Variants in PRRC2C observed in about 807,000 individuals in gnomAD.
The protein encoded by PRRC2C is proline rich coiled-coil 2C, also known as protein PRRC2C.
PRRC2C carries 72 observed loss-of-function variants against 317.2 expected under a neutral mutation model. That is an observed-to-expected ratio of 0.23 (90% confidence interval 0.19 to 0.28). The LOEUF is 0.28. Among genes scored for constraint, PRRC2C ranks in the 10% least tolerant of loss-of-function variants. The pLI is 1.00. For synonymous variants in PRRC2C, 1,296 were observed against 1,205.9 expected (o/e 1.07, Z -1.55); for missense variants, 3,074 against 3,459.7 (o/e 0.89, Z 2.80).
At chr1:171,519,033 G>A (rs1353517943) in intron 6 of PRRC2C, among the ~76,000 whole-genome samples, 6 of 151,534 alleles carry the variant, frequency 4.0e-5, no homozygotes, top group African/African-American at 1.5e-4. Flanking sequence ...ATAGCTGCCC[G>A]CCACCATACC....
intron 10 of PRRC2C, among the ~76,000 whole-genome samples, chr1:171,526,485 G>A (rs1236911474): frequency 1.3e-5 from 2 of 152,006 alleles, no homozygotes; most frequent in Non-Finnish European, 2.9e-5. Flanking sequence ...CTACAGTGGT[G>A]CACCACCACA....
chr1:171,575,740 A>G (rs1410515145), intron 25 of PRRC2C, among the ~76,000 whole-genome samples: 2 of 152,226 alleles, frequency 1.3e-5, no homozygotes, highest in Non-Finnish European at 2.9e-5. Context: ...AGAAACACAG[A>G]TGTTTCCAAA....
At position 171,569,049 on chromosome 1, in the gene PRRC2C, A is replaced by G. The variant is rs1221749786; in HGVS notation, c.6651+710A>G. 2.6e-5 allele frequency among the ~76,000 whole-genome samples: 4 copies of G among 152,212 alleles called. No homozygotes were observed. In the East Asian group the frequency reaches 7.7e-4, roughly 29 times the overall value. On this transcript the variant is annotated intron_variant, in intron 23 of 34. Coordinates refer to ENST00000647382, the MANE Select transcript of PRRC2C (RefSeq NM_001387844.1). ...GAAAAATTGTTAGCCCAGAAACATT[A>G]GGTAGCTTGCCATAGTTATACAGTG... is the stretch of plus-strand genomic sequence containing the variant.
chr1:171,553,453 G>A (rs923608840), intron 18 of PRRC2C, among the ~76,000 whole-genome samples: 1 of 149,566 alleles, frequency 6.7e-6, no homozygotes, highest in East Asian at 2.0e-4. Context: ...GGGTTTCTTT[G>A]TGTCTCTATC....
In PRRC2C at chr1:171,577,609, G is replaced by A. The variant is rs776623881; in HGVS notation, c.7131G>A (p.Pro2377=). ...TTATTGCCCAGCAGCAACAGAATCC[G>A]CAAGTTTATGTGTCTCAGTCTGCAG... ...PSLIAQQQQN[P]QVYVSQSAAA... is the part of the protein sequence containing the mutation. The change falls in exon 26 of 35, where the codon CCG becomes CCA. Residue 2377 remains proline (P), a synonymous_variant. Coordinates refer to ENST00000647382, the MANE Select transcript of PRRC2C (RefSeq NM_001387844.1). 8.1e-6 allele frequency: 13 copies of A among 1,613,368 alleles called. No homozygotes were observed. The highest frequency in any genetic ancestry group is 4.5e-5 in the East Asian group (2 of 44,886).
intron 1 of PRRC2C, among the ~76,000 whole-genome samples, chr1:171,488,934 T>C (rs935126230): frequency 2.0e-5 from 3 of 152,184 alleles, no homozygotes; most frequent in African/African-American, 7.2e-5. Context: ...GAGGAGCACG[T>C]CTAGTATTAA....
intron 34 of PRRC2C, chr1:171,591,373 G>GT (rs35289979): frequency 0.58 from 155,768 of 267,852 alleles, 43,762 homozygotes; most frequent in African/African-American, 0.71. Context: ...TGGTCCTGTG[G>GT]TTTTTTTTTT....
At chr1:171,587,594 C>A in intron 31 of PRRC2C, 54 bp from the exon 32 acceptor site, 2 of 1,245,046 alleles carry the variant, frequency 1.6e-6, no homozygotes, top group Non-Finnish European at 2.3e-6. Context: ...GTAAACACAG[C>A]ACTTAGCTTG....
intron 28 of PRRC2C, among the ~76,000 whole-genome samples, chr1:171,582,628 G>C (rs1185125125): frequency 1.3e-5 from 2 of 152,228 alleles, no homozygotes; most frequent in East Asian, 3.9e-4. Flanking sequence ...TAACACAGTG[G>C]TAAATATTTG....
At position 171,586,063 on chromosome 1, in the gene PRRC2C, A is replaced by ATTTTTTTTTTTTTTTT. The variant is rs920423722; in HGVS notation, c.7750-934_7750-919dup. 8.4e-5 allele frequency among the ~76,000 whole-genome samples: 7 copies of ATTTTTTTTTTTTTTTT among 83,030 alleles called. 2 individuals carry two copies. Among genetic ancestry groups the ATTTTTTTTTTTTTTTT allele is most frequent in the African/African-American group, 2.4e-4 (5 of 21,204 alleles). The allele number at this position is 83,030 out of a possible 152,430, so 54.5% of individuals were successfully genotyped here. A position where few individuals can be genotyped will look rare whatever the true frequency, so the allele number is the denominator to read the frequency against. On this transcript the variant is annotated intron_variant, in intron 30 of 34. Coordinates refer to ENST00000647382, the MANE Select transcript of PRRC2C (RefSeq NM_001387844.1). ...ATCCGTCGCAGGAGGTCAGGTGTTG[A>ATTTTTTTTTTTTTTTT]TTTTTTTTTTTTTTTTTTTTTGAGA...
At chr1:171,563,722 A>G (rs543547675) in intron 20 of PRRC2C, among the ~76,000 whole-genome samples, 6 of 152,170 alleles carry the variant, frequency 3.9e-5, no homozygotes, top group Non-Finnish European at 7.4e-5. Flanking sequence ...TTGATGTTAC[A>G]GATTCTTCAG....
chr1:171,541,401 A>T lies in PRRC2C; in HGVS notation c.3935A>T (p.His1312Leu), dbSNP rs1399560082. The T allele has an allele frequency of 2.5e-6, 4 of 1,613,494 alleles. No individual in the cohort carries two copies. Among genetic ancestry groups the T allele is most frequent in the East Asian group, 2.2e-5 (1 of 44,882 alleles). ...KPHSSFKPDNHVRIDNRLLEK... is the reference protein window; with the variant it reads ...KPHSSFKPDNLVRIDNRLLEK... ...CATTCTTCTTTCAAGCCTGATAATCATGTTCGAATAGATAATAGACTGCTA... is the reference window on the plus strand; with the variant it reads ...CATTCTTCTTTCAAGCCTGATAATCTTGTTCGAATAGATAATAGACTGCTA... The change falls in exon 16 of 35, where the codon CAT becomes CTT. Residue 1312 changes from histidine to leucine, a missense_variant. Transcript: ENST00000647382. This position sits in a 1 kb window ranked among gnomAD's most constrained non-coding sequence, Gnocchi z 4.1.
chr1:171,558,267 T>A (rs978039648), intron 19 of PRRC2C, 124 bp downstream of exon 19: 2 of 1,282,500 alleles, frequency 1.6e-6, no homozygotes, highest in African/African-American at 1.5e-5. Flanking sequence ...TAGGAAAAAG[T>A]AATAGTAATC....
intron 6 of PRRC2C, 44 bp from the exon 7 acceptor site, chr1:171,522,129 ATAAC>A: frequency 9.5e-7 from 1 of 1,048,480 alleles, no homozygotes; most frequent in Non-Finnish European, 1.4e-6. Context: ...ATTTTTTAAA[ATAAC>A]TAGGTTGCTA....
intron 1 of PRRC2C, among the ~76,000 whole-genome samples, chr1:171,494,448 A>C (rs1385567179): frequency 6.6e-6 from 1 of 152,200 alleles, no homozygotes. Flanking sequence ...TAGCTTTACT[A>C]TTATAGTGGC....
chr1:171,514,909 A>G lies in PRRC2C; in HGVS notation c.400+264A>G, dbSNP rs1200696281. On this transcript the variant is annotated intron_variant, in intron 4 of 34. Coordinates refer to ENST00000647382, the MANE Select transcript of PRRC2C (RefSeq NM_001387844.1). ...CACATCATTTTATCTTTACCTCTGC[A>G]TATCCAAGCAAAGCTTGTACCTTCA... 9.2e-5 allele frequency among the ~76,000 whole-genome samples: 14 copies of G among 152,374 alleles called. No homozygotes were observed. In the East Asian group the frequency reaches 2.5e-3, roughly 27 times the overall value.
chr1:171,500,440 C>A (rs1668873332), intron 1 of PRRC2C, among the ~76,000 whole-genome samples: 1 of 151,922 alleles, frequency 6.6e-6, no homozygotes, highest in South Asian at 2.1e-4. Flanking sequence ...GCTGTGTCAC[C>A]CAGGCTTGAG....
Position 171,540,221 on chromosome 1 carries a change from A to G in PRRC2C, c.2755A>G (p.Ser919Gly). The G allele has an allele frequency of 6.2e-7, 1 of 1,613,930 alleles. No homozygotes were observed. The highest frequency in any genetic ancestry group is 8.5e-7 in the Non-Finnish European group (1 of 1,179,874). The change falls in exon 16 of 35, where the codon AGT becomes GGT. Residue 919 changes from serine to glycine, a missense_variant. Transcript: ENST00000647382. ...PQEERISAVE[S>G]QPSRKRSVSH... ...AGAGGAGCGGATTTCAGCTGTAGAA[A>G]GTCAGCCTTCCCGGAAAAGAAGTGT...
At position 171,526,805 on chromosome 1, in the gene PRRC2C, C is replaced by CTTTTTTTTTTTTTTTTTTTTTTTTTT. The variant is rs938229816; in HGVS notation, c.1201-965_1201-964insTTTTTTTTTTTTTTTTTTTTTTTTTT. 2.5e-4 allele frequency among the ~76,000 whole-genome samples: 23 copies of CTTTTTTTTTTTTTTTTTTTTTTTTTT among 90,206 alleles called. 3 individuals are homozygous for CTTTTTTTTTTTTTTTTTTTTTTTTTT. Among genetic ancestry groups the CTTTTTTTTTTTTTTTTTTTTTTTTTT allele is most frequent in the South Asian group, 1.8e-3 (3 of 1,708 alleles). The allele number at this position is 90,206 out of a possible 152,430, so 59.2% of individuals were successfully genotyped here. On this transcript the variant is annotated intron_variant, in intron 10 of 34. Coordinates refer to ENST00000647382, the MANE Select transcript of PRRC2C (RefSeq NM_001387844.1). ...AAAATCATTACATTCAGAAATATAT[C>CTTTTTTTTTTTTTTTTTTTTTTTTTT]TTTTTTTTTTTTTTTTTTTTTGAGA... is the stretch of plus-strand genomic sequence containing the variant.
Sources: allele counts gnomAD v4.1 joint callset (sites outside exome capture counted in the v4.1 genomes callset), GRCh38; gene constraint gnomAD v4.1.1; non-coding constraint Gnocchi (gnomAD v3.1); transcripts MANE v1.5; gene names NCBI Gene and HGNC (gene_info 2026-07-23, HGNC 2026-07-21).